PLXNA4: variants seen among roughly 807,000 people sequenced by gnomAD.
The protein encoded by PLXNA4 is plexin-A4.
In PLXNA4, 44 loss-of-function variants were observed where a neutral mutation model predicts 191.8. The observed-to-expected ratio is 0.23, with a 90% CI of 0.18 to 0.29. The LOEUF is 0.29. Among genes scored for constraint, PLXNA4 ranks in the 10% least tolerant of loss-of-function variants. The pLI is 1.00. For synonymous variants in PLXNA4, 1,082 were observed against 1,009.5 expected (o/e 1.07, Z -1.36); for missense variants, 1,800 against 2,488.8 (o/e 0.72, Z 5.89).
intron 3 of PLXNA4, among the ~76,000 whole-genome samples, chr7:132,364,632 G>A (rs1804081618): frequency 6.6e-6 from 1 of 152,190 alleles, no homozygotes; most frequent in Non-Finnish European, 1.5e-5. Context: ...CTGGACATTA[G>A]CAAAACCATC....
chr7:132,570,841 G>A (rs965507597), intron 1 of PLXNA4, among the ~76,000 whole-genome samples: 1 of 152,168 alleles, frequency 6.6e-6, no homozygotes, highest in Admixed American at 6.5e-5. Context: ...TAGAGGGGGA[G>A]GGGAAGATCC....
intron 3 of PLXNA4, among the ~76,000 whole-genome samples, chr7:132,309,414 C>A (rs919233576): frequency 6.6e-6 from 1 of 152,028 alleles, no homozygotes; most frequent in East Asian, 1.9e-4. Context: ...GGCACAGAGA[C>A]GCAGGCCAGA....
Position 132,159,606 on chromosome 7 carries a change from A to T in PLXNA4, c.4527T>A (p.Asn1509Lys), listed in dbSNP as rs770749363. ...TTACTGGGACCTCGGGGCTGTTGGC[A>T]TTGTCTGGGCTGACACAGCTCAGGA... Reference protein sequence around the residue: ...TLVLSCVSPDNANSPEVPVKI... With the variant: ...TLVLSCVSPDKANSPEVPVKI... The change falls in exon 25 of 32, where the codon AAT becomes AAA. Residue 1509 changes from asparagine to lysine, a missense_variant. Asn to Lys is a moderately conservative substitution (Grantham distance 94, BLOSUM62 0). This residue lies in a region of PLXNA4 where 214 missense variants were observed against 298.2 expected (regional missense o/e 0.72). Transcript: ENST00000321063. The T allele has an allele frequency of 6.2e-6, 10 of 1,614,066 alleles. No individual in the cohort carries two copies. The highest frequency in any genetic ancestry group is 8.5e-6 in the Non-Finnish European group (10 of 1,180,008).
rs374103757 is a variant in PLXNA4 at position 132,187,576 on chromosome 7, C to T, written c.2888G>A (p.Arg963Gln). Residue 963 changes from arginine (R) to glutamine (Q), a missense_variant, in exon 15 of 32, where the codon CGG (arginine) becomes CAG (glutamine). Transcript: ENST00000321063. The stretch of plus-strand genomic sequence containing the variant: ...TTGGGTCCCTCCGGACATGGGCCCC[C>T]GGCTGGGCTTCAGATCTGAGAGAGT... ...TLTLSDLKPS[R>Q]GPMSGGTQVT... is the part of the protein sequence containing the mutation. 180 of 1,613,440 alleles carry T rather than the reference C, an allele frequency of 1.1e-4. No individual in the cohort carries two copies. The highest frequency in any genetic ancestry group is 2.5e-4 in the East Asian group (11 of 44,840).
At chr7:132,595,719 G>T (rs1802697620) in intron 2 of PLXNA4, among the ~76,000 whole-genome samples, 2 of 152,126 alleles carry the variant, frequency 1.3e-5, no homozygotes, top group African/African-American at 4.8e-5. Flanking sequence ...CAAAGAAGCT[G>T]CCATTCTTTC....
At chr7:132,629,053 T>C (rs1214660341) in intron 2 of PLXNA4, among the ~76,000 whole-genome samples, 4 of 152,252 alleles carry the variant, frequency 2.6e-5, no homozygotes, top group Non-Finnish European at 4.4e-5. Flanking sequence ...GATCTCACTA[T>C]TGATTGATCA....
intron 3 of PLXNA4, among the ~76,000 whole-genome samples, chr7:132,354,186 CGT>C (rs59554805): frequency 2.0e-4 from 27 of 132,184 alleles, no homozygotes; most frequent in South Asian, 4.8e-4. Context: ...ACAGTGTGTG[CGT>C]GTGTGTGTGT....
At chr7:132,193,668 C>CA (rs1430190793) in intron 14 of PLXNA4, among the ~76,000 whole-genome samples, 1 of 152,176 alleles carries the variant, frequency 6.6e-6, no homozygotes, top group Non-Finnish European at 1.5e-5. Flanking sequence ...GAGGCAAAAA[C>CA]AAAATGTTGA....
chr7:132,626,042 C>G (rs943817906), intron 2 of PLXNA4, among the ~76,000 whole-genome samples: 1 of 152,188 alleles, frequency 6.6e-6, no homozygotes, highest in African/African-American at 2.4e-5. Flanking sequence ...AAACTGAATT[C>G]ATCACCCTTA....
At chr7:132,604,154 G>A (rs1173588404) in intron 2 of PLXNA4, among the ~76,000 whole-genome samples, 2 of 152,176 alleles carry the variant, frequency 1.3e-5, no homozygotes, top group East Asian at 1.9e-4. Context: ...CTGGCGGGGG[G>A]CACCTAACAC....
At chr7:132,313,211 T>C (rs935508935) in intron 3 of PLXNA4, among the ~76,000 whole-genome samples, 4 of 152,238 alleles carry the variant, frequency 2.6e-5, no homozygotes, top group African/African-American at 9.6e-5. Context: ...GTCTTATTTA[T>C]GAAATGCATT....
At chr7:132,477,109 G>A (rs1249908606) in intron 3 of PLXNA4, among the ~76,000 whole-genome samples, 1 of 152,146 alleles carries the variant, frequency 6.6e-6, no homozygotes, top group African/African-American at 2.4e-5. Flanking sequence ...TTTAAGTCAA[G>A]AAGTGCCTAG....
chr7:132,504,906 C>T (rs1244516216), intron 2 of PLXNA4, among the ~76,000 whole-genome samples: 1 of 152,248 alleles, frequency 6.6e-6, no homozygotes, highest in Non-Finnish European at 1.5e-5. Context: ...CAGAGCCTGG[C>T]CTGGCCGATG....
chr7:132,585,086 C>G (rs975176891), intron 2 of PLXNA4, among the ~76,000 whole-genome samples: 1 of 152,158 alleles, frequency 6.6e-6, no homozygotes, highest in Non-Finnish European at 1.5e-5. Flanking sequence ...GAGAATGAGA[C>G]TTCATCTCTC....
intron 4 of PLXNA4, among the ~76,000 whole-genome samples, chr7:132,272,014 A>G (rs1320076016): frequency 2.0e-5 from 3 of 152,316 alleles, no homozygotes; most frequent in African/African-American, 7.2e-5. Flanking sequence ...GATTGAAGGA[A>G]GGAGGGATCA....
At chr7:132,321,870 G>A (rs373178046) in intron 3 of PLXNA4, among the ~76,000 whole-genome samples, 3 of 152,116 alleles carry the variant, frequency 2.0e-5, no homozygotes, top group East Asian at 3.9e-4. Context: ...AGCCTGGGTG[G>A]GGCGGAGGGG....
In PLXNA4 at chr7:132,565,205, C is replaced by T. The variant is rs143957569; in HGVS notation, c.-87+11217G>A. 4.0e-3 allele frequency among the ~76,000 whole-genome samples: 610 copies of T among 152,252 alleles called. 4 individuals carry two copies. The highest frequency in any genetic ancestry group is 5.9e-3 in the Non-Finnish European group (401 of 68,018). On this transcript the variant is annotated intron_variant, in intron 1 of 31. Transcript: ENST00000321063. The stretch of plus-strand genomic sequence containing the variant: ...TCATCCTCACCTCCTGGGCTGCAGA[C>T]GCGAAACAGCAAGGGCTTATTCCTG...
intron 4 of PLXNA4, among the ~76,000 whole-genome samples, chr7:132,243,775 C>T (rs906807181): frequency 1.1e-4 from 17 of 151,150 alleles, no homozygotes; most frequent in Non-Finnish European, 2.2e-4. Context: ...CGCTGCTATC[C>T]TTTTCATTAA....
At chr7:132,475,870 A>C (rs1271126791) in intron 3 of PLXNA4, among the ~76,000 whole-genome samples, 1 of 152,198 alleles carries the variant, frequency 6.6e-6, no homozygotes, top group Non-Finnish European at 1.5e-5. Context: ...TGACAGCTAA[A>C]TAGCTCTACT....
Sources: gnomAD v4.1 joint callset for allele counts (sites outside exome capture counted in the v4.1 genomes callset) on GRCh38, gnomAD v4.1.1 for gene constraint, gnomAD v4.1.1 regional missense constraint, MANE v1.5 for transcripts, NCBI Gene and HGNC (gene_info 2026-07-23, HGNC 2026-07-21) for gene names.